CSNK1G1: variants seen among roughly 807,000 people sequenced by gnomAD.
CSNK1G1 encodes the protein casein kinase 1 gamma 1.
A neutral mutation model predicts 59.6 loss-of-function variants in CSNK1G1; 22 were observed. The observed-to-expected ratio is 0.37, with a 90% CI of 0.26 to 0.53. CSNK1G1 has a LOEUF of 0.53. Ranked by LOEUF, CSNK1G1 falls within the 20% of genes least tolerant of loss-of-function variation. The pLI is 0.89. For synonymous variants in CSNK1G1, 179 were observed against 177.1 expected, an observed-to-expected ratio of 1.01 and a Z score of -0.08; for missense variants, 384 against 519.5, an observed-to-expected ratio of 0.74 and a Z score of 2.54.
At chr15:64,320,417 G>T (rs981242148) in intron 1 of CSNK1G1, among the ~76,000 whole-genome samples, 2 of 151,642 alleles carry the variant, frequency 1.3e-5, no homozygotes, top group Admixed American at 6.6e-5. Context: ...AGTGGCTCAC[G>T]CCTGTAATCC....
intron 10 of CSNK1G1, among the ~76,000 whole-genome samples, chr15:64,184,965 G>A (rs925269909): frequency 5.9e-5 from 9 of 152,184 alleles, no homozygotes; most frequent in Non-Finnish European, 1.2e-4. Flanking sequence ...CAACTCATGT[G>A]TCATTCTAAG....
chr15:64,307,279 C>T (rs1373074335), intron 1 of CSNK1G1, among the ~76,000 whole-genome samples: 3 of 152,060 alleles, frequency 2.0e-5, no homozygotes, highest in African/African-American at 7.2e-5. Context: ...CTCTCCACTC[C>T]ATTTCTCTGT....
rs780727265 is a variant in CSNK1G1 at position 64,216,524 on chromosome 15, C to T, written c.444+38G>A. ...GGCCCACAAGGATGTGGCTGAGGAA[C>T]CAGCTTATTCTCTTCTAGAAGAGCA... On this transcript the variant is annotated intron_variant, in intron 5 of 11. Coordinates refer to ENST00000303052, the MANE Select transcript of CSNK1G1 (RefSeq NM_022048.5). This position sits in a 1 kb window ranked among gnomAD's most constrained non-coding sequence, Gnocchi z 4.6. 22 of 1,601,630 alleles carry T rather than the reference C, an allele frequency of 1.4e-5. No homozygotes were observed. The highest frequency in any genetic ancestry group is 4.0e-5 in the African/African-American group (3 of 74,474).
chr15:64,319,501 T>C (rs924379060), intron 1 of CSNK1G1, among the ~76,000 whole-genome samples: 3 of 152,182 alleles, frequency 2.0e-5, no homozygotes, highest in African/African-American at 7.2e-5. Flanking sequence ...GAAGCAATAC[T>C]TGCCTGAATT....
intron 1 of CSNK1G1, among the ~76,000 whole-genome samples, chr15:64,340,851 G>C (rs1250038846): frequency 6.6e-6 from 1 of 152,148 alleles, no homozygotes; most frequent in East Asian, 1.9e-4. Context: ...CAGCTACTTA[G>C]GAGGCTGAGG....
intron 2 of CSNK1G1, among the ~76,000 whole-genome samples, chr15:64,273,885 C>G (rs1357671827): frequency 1.3e-5 from 2 of 152,218 alleles, no homozygotes; most frequent in Non-Finnish European, 2.9e-5. Context: ...GGAGAACAGA[C>G]TTAGTTAGGA....
chr15:64,297,887 G>C (rs1288696393), intron 2 of CSNK1G1, among the ~76,000 whole-genome samples: 2 of 152,138 alleles, frequency 1.3e-5, no homozygotes, highest in African/African-American at 4.8e-5. Context: ...ACAAGAAAAT[G>C]ACGGAATGGG....
At chr15:64,232,748 C>T (rs2082565036) in intron 4 of CSNK1G1, among the ~76,000 whole-genome samples, 1 of 152,096 alleles carries the variant, frequency 6.6e-6, no homozygotes, top group Non-Finnish European at 1.5e-5. Context: ...CATTCTCTAA[C>T]GGCAGCCACT....
chr15:64,348,175 G>C (rs1013178103), intron 1 of CSNK1G1, among the ~76,000 whole-genome samples: 1 of 152,168 alleles, frequency 6.6e-6, no homozygotes, highest in East Asian at 1.9e-4. Context: ...GGCAGGAGAG[G>C]AGGGATGTGA....
intron 1 of CSNK1G1, among the ~76,000 whole-genome samples, chr15:64,313,604 G>T (rs1475542242): frequency 1.3e-5 from 2 of 152,026 alleles, no homozygotes; most frequent in Non-Finnish European, 2.9e-5. Context: ...CTGTTGGGGG[G>T]TGTGGGGCTA....
chr15:64,182,742 A>G (rs2081835992), intron 10 of CSNK1G1, among the ~76,000 whole-genome samples: 1 of 152,218 alleles, frequency 6.6e-6, no homozygotes, highest in South Asian at 2.1e-4. Flanking sequence ...TTTAAAGCAA[A>G]TATGGCAAAA....
Position 64,300,659 on chromosome 15 carries a change from C to G in CSNK1G1, c.-160G>C, listed in dbSNP as rs1895277320. The G allele has an allele frequency of 1.6e-6, 2 of 1,280,584 alleles. No homozygotes were observed. Among genetic ancestry groups the G allele is most frequent in the South Asian group, 6.3e-5 (2 of 31,822 alleles). The allele number at this position is 1,280,584 out of a possible 1,614,324, so 79.3% of individuals were successfully genotyped here. ...TAATGTATCTCCGGGAGATGAAAAA[C>G]CATTTATTTGTTCCCGTAGGAAATG... is the stretch of plus-strand genomic sequence containing the variant. On this transcript the variant is annotated 5_prime_UTR_variant, in exon 2 of 12. Transcript: ENST00000303052.
intron 1 of CSNK1G1, among the ~76,000 whole-genome samples, chr15:64,343,235 A>ACACACACACACACC (rs1375118135): frequency 4.6e-4 from 70 of 150,590 alleles, no homozygotes; most frequent in African/African-American, 1.6e-3. Context: ...ACACACACAC[A>ACACACACACACACC]CCTCTTCTAA....
chr15:64,182,043 T>C (rs1198705239), intron 10 of CSNK1G1: 1 of 148,112 alleles, frequency 6.8e-6, no homozygotes, highest in Non-Finnish European at 1.5e-5. Flanking sequence ...ATTGTTCTCA[T>C]TAGTAACCCG....
intron 2 of CSNK1G1, among the ~76,000 whole-genome samples, chr15:64,292,271 G>A (rs1894786150): frequency 6.6e-6 from 1 of 151,562 alleles, no homozygotes; most frequent in Non-Finnish European, 1.5e-5. Flanking sequence ...ATTCAGACAA[G>A]GAAAGAACAA....
Position 64,167,379 on chromosome 15 carries a change from A to G in CSNK1G1, c.*4552T>C, listed in dbSNP as rs950746876. The G allele has an allele frequency of 3.3e-4, 50 of 152,752 alleles. No individual in the cohort carries two copies. The highest frequency in any genetic ancestry group is 1.2e-3 in the African/African-American group (50 of 41,594). The allele number at this position is 152,752 out of a possible 1,614,324, so 9.5% of individuals were successfully genotyped here. Reference sequence around the variant, plus strand: ...AAAACCCAAAGCCAAAGGAATCCCAATTTGATTCCTATCAACCCCTCATGG... The same window carrying G: ...AAAACCCAAAGCCAAAGGAATCCCAGTTTGATTCCTATCAACCCCTCATGG... On this transcript the variant is annotated 3_prime_UTR_variant, in exon 12 of 12. Coordinates refer to ENST00000303052, the MANE Select transcript of CSNK1G1 (RefSeq NM_022048.5).
At position 64,169,427 on chromosome 15, in the gene CSNK1G1, T is replaced by TGG. The variant is rs1311042054; in HGVS notation, c.*2503_*2504insCC. 1 of 152,148 alleles carries TGG rather than the reference T, an allele frequency of 6.6e-6. No homozygotes were observed. Among genetic ancestry groups the TGG allele is most frequent in the Non-Finnish European group, 1.5e-5 (1 of 68,090 alleles). The allele number at this position is 152,148 out of a possible 1,614,324, so 9.4% of individuals were successfully genotyped here. On this transcript the variant is annotated 3_prime_UTR_variant, in exon 12 of 12. Coordinates refer to ENST00000303052, the MANE Select transcript of CSNK1G1 (RefSeq NM_022048.5). Reference sequence around the variant, plus strand: ...TTTGTATTTTTTGTAGAGACGGGGTTTCACCATGTTGGCCAGGCTGGTCTC... The same window carrying TGG: ...TTTGTATTTTTTGTAGAGACGGGGTTGGTCACCATGTTGGCCAGGCTGGTCTC...
At chr15:64,258,211 T>A (rs1459673244) in intron 3 of CSNK1G1, among the ~76,000 whole-genome samples, 1 of 152,002 alleles carries the variant, frequency 6.6e-6, no homozygotes, top group African/African-American at 2.4e-5. Flanking sequence ...AAATCCCATC[T>A]CTACAAAAAA....
At chr15:64,174,360 T>C (rs570040385) in intron 11 of CSNK1G1, among the ~76,000 whole-genome samples, 21 of 152,348 alleles carry the variant, frequency 1.4e-4, no homozygotes, top group African/African-American at 5.0e-4. Context: ...TGCTAGTTAT[T>C]GTAGTTAAAG....
Sources: gnomAD v4.1 joint callset for allele counts (sites outside exome capture counted in the v4.1 genomes callset) on GRCh38, gnomAD v4.1.1 for gene constraint, Gnocchi (gnomAD v3.1) non-coding constraint, MANE v1.5 for transcripts, NCBI Gene and HGNC (gene_info 2026-07-23, HGNC 2026-07-21) for gene names.